ADAMTS18: variants seen among roughly 807,000 people sequenced by gnomAD.
The protein encoded by ADAMTS18 is A disintegrin and metalloproteinase with thrombospondin motifs 18.
In ADAMTS18, 157 loss-of-function variants were observed where a neutral mutation model predicts 165.9. That is an observed-to-expected ratio of 0.95 (90% CI 0.83 to 1.08). The LOEUF is 1.08. Ranked by LOEUF, ADAMTS18 falls within the 50% of genes least tolerant of loss-of-function variation. The pLI, the probability that ADAMTS18 is intolerant of heterozygous loss-of-function variation, is 0.00. For synonymous variants in ADAMTS18, 782 were observed against 578.2 expected, an observed-to-expected ratio of 1.35 and a Z score of -5.06; for missense variants, 2,040 against 1,534.0, an observed-to-expected ratio of 1.33 and a Z score of -5.51.
chr16:77,285,414 C>T (rs2055229832), intron 22 of ADAMTS18, among the ~76,000 whole-genome samples: 1 of 151,954 alleles, frequency 6.6e-6, no homozygotes, highest in Non-Finnish European at 1.5e-5. Context: ...CTCGGGTGAT[C>T]CGTCTGCCTC....
chr16:77,297,223 T>C lies in ADAMTS18; in HGVS notation c.2801+66A>G, dbSNP rs554858427. ...CAGTATTCACAGTGAGCTTTCATCA[T>C]CTCATAACAACAATGAAGGCATACA... is the stretch of plus-strand genomic sequence containing the variant. On this transcript the variant is annotated intron_variant, in intron 18 of 22. Coordinates refer to ENST00000282849, the MANE Select transcript of ADAMTS18 (RefSeq NM_199355.4). The C allele has an allele frequency of 3.1e-6, 5 of 1,595,226 alleles. No individual in the cohort carries two copies. The Admixed American group carries it at 6.7e-5, about 21-fold the overall frequency.
intron 16 of ADAMTS18, among the ~76,000 whole-genome samples, chr16:77,307,553 C>T (rs992321631): frequency 6.6e-6 from 1 of 152,172 alleles, no homozygotes; most frequent in Non-Finnish European, 1.5e-5. Context: ...TTCTCTAACC[C>T]GTCACAAAAG....
At chr16:77,361,067 C>A (rs889705660) in intron 7 of ADAMTS18, among the ~76,000 whole-genome samples, 2 of 150,700 alleles carry the variant, frequency 1.3e-5, no homozygotes, top group African/African-American at 4.9e-5. Flanking sequence ...GCCTGAGTGA[C>A]AAGAACAAGA....
At chr16:77,347,473 T>C (rs1200378372) in intron 10 of ADAMTS18, among the ~76,000 whole-genome samples, 1 of 152,212 alleles carries the variant, frequency 6.6e-6, no homozygotes, top group Admixed American at 6.5e-5. Flanking sequence ...CATTTGGTAT[T>C]GTCAATCTTT....
chr16:77,429,568 G>A (rs1324561749), intron 3 of ADAMTS18, among the ~76,000 whole-genome samples: 1 of 152,012 alleles, frequency 6.6e-6, no homozygotes, highest in African/African-American at 2.4e-5. Context: ...ACCTTCACTT[G>A]TACCCCTGAA....
chr16:77,302,924 C>A (rs1206832187), intron 16 of ADAMTS18, among the ~76,000 whole-genome samples: 1 of 152,130 alleles, frequency 6.6e-6, no homozygotes. Flanking sequence ...AAAAGTGTCA[C>A]CAGTATTAAG....
chr16:77,400,518 G>A (rs1490616245), intron 3 of ADAMTS18, among the ~76,000 whole-genome samples: 1 of 143,568 alleles, frequency 7.0e-6, no homozygotes, highest in African/African-American at 2.6e-5. Flanking sequence ...GTCTCGCTCT[G>A]TCGCCCAGGC....
chr16:77,294,934 G>A lies in ADAMTS18; in HGVS notation c.2995C>T (p.Pro999Ser), dbSNP rs759956055. ...HACPPQWSLGPWSQCSKTCGR... is the reference protein window; with the variant it reads ...HACPPQWSLGSWSQCSKTCGR... ...TTTTCTCCTGTTACCTGAGACCAGG[G>A]TCCAAGGCTCCATTGTGGAGGGCAG... The change falls in exon 19 of 23, where the codon CCC becomes TCC. Residue 999 changes from proline (P) to serine (S), a missense_variant. Pro to Ser is a moderately conservative substitution (Grantham distance 74). Coordinates refer to ENST00000282849, the MANE Select transcript of ADAMTS18 (RefSeq NM_199355.4). The A allele has an allele frequency of 1.9e-6, 3 of 1,614,044 alleles. No individual in the cohort carries two copies. Among genetic ancestry groups the A allele is most frequent in the East Asian group, 2.2e-5 (1 of 44,884 alleles).
At chr16:77,284,842 C>T (rs764641681) in intron 22 of ADAMTS18, among the ~76,000 whole-genome samples, 48 of 152,096 alleles carry the variant, frequency 3.2e-4, no homozygotes, top group Admixed American at 5.9e-4. Flanking sequence ...GGGTGTGCTG[C>T]TGGTCCACGA....
intron 13 of ADAMTS18, among the ~76,000 whole-genome samples, chr16:77,322,676 C>T (rs1008948165): frequency 3.9e-5 from 6 of 152,086 alleles, no homozygotes; most frequent in African/African-American, 1.4e-4. Flanking sequence ...AAGAGTAATA[C>T]GTAACAATTT....
At chr16:77,368,444 T>C (rs373748219) in intron 3 of ADAMTS18, among the ~76,000 whole-genome samples, 6 of 151,640 alleles carry the variant, frequency 4.0e-5, no homozygotes, top group East Asian at 3.9e-4. Context: ...TTTCTTTTTT[T>C]TTTTTTTTTT....
At chr16:77,393,430 A>T (rs1305082811) in intron 3 of ADAMTS18, among the ~76,000 whole-genome samples, 3 of 152,186 alleles carry the variant, frequency 2.0e-5, no homozygotes, top group African/African-American at 4.8e-5. Flanking sequence ...TGACATACAG[A>T]CTAGCTGCTA....
intron 10 of ADAMTS18, among the ~76,000 whole-genome samples, chr16:77,351,897 C>G (rs1321257484): frequency 6.6e-6 from 1 of 152,084 alleles, no homozygotes; most frequent in African/African-American, 2.4e-5. Flanking sequence ...ACTAGCCCAG[C>G]TAACTTTTTT....
intron 21 of ADAMTS18, among the ~76,000 whole-genome samples, chr16:77,290,249 C>G (rs1339115414): frequency 6.6e-6 from 1 of 152,168 alleles, no homozygotes; most frequent in Non-Finnish European, 1.5e-5. Context: ...CATACGGCCT[C>G]TGTTGCAAGT....
intron 7 of ADAMTS18, among the ~76,000 whole-genome samples, chr16:77,361,549 T>C (rs1731094613): frequency 6.6e-6 from 1 of 152,162 alleles, no homozygotes; most frequent in African/African-American, 2.4e-5. Flanking sequence ...TCTAGTTAAA[T>C]AATGTATCTC....
At chr16:77,329,117 T>A (rs80217862) in intron 12 of ADAMTS18, among the ~76,000 whole-genome samples, 1 of 151,902 alleles carries the variant, frequency 6.6e-6, no homozygotes, top group Non-Finnish European at 1.5e-5. Flanking sequence ...TTTTTTTTTT[T>A]AATTTTGAGA....
intron 3 of ADAMTS18, among the ~76,000 whole-genome samples, chr16:77,376,060 C>A (rs575606862): frequency 1.3e-5 from 2 of 152,070 alleles, no homozygotes; most frequent in South Asian, 4.1e-4. Context: ...TGGGCCACCA[C>A]GCCCGGCTAA....
At chr16:77,317,162 C>T (rs2055902281) in intron 16 of ADAMTS18, among the ~76,000 whole-genome samples, 1 of 152,124 alleles carries the variant, frequency 6.6e-6, no homozygotes, top group Non-Finnish European at 1.5e-5. Context: ...ATCTGTACAT[C>T]TGCCTTCATT....
chr16:77,333,690 C>G (rs1483031967), intron 12 of ADAMTS18, among the ~76,000 whole-genome samples: 4 of 151,196 alleles, frequency 2.6e-5, no homozygotes, highest in Non-Finnish European at 1.5e-5. Context: ...ATGGAAGTAA[C>G]CTAAGAGTCC....
Sources: allele counts gnomAD v4.1 joint callset (sites outside exome capture counted in the v4.1 genomes callset), GRCh38; gene constraint gnomAD v4.1.1; transcripts MANE v1.5; gene names NCBI Gene and HGNC (gene_info 2026-07-23, HGNC 2026-07-21).